The following NELL1 variants were observed in gnomAD, a reference collection of about 807,000 sequenced individuals.
NELL1 encodes the protein protein kinase C-binding protein NELL1.
NELL1 carries 76 observed loss-of-function variants against 107.4 expected under a neutral mutation model. The ratio of observed to expected loss-of-function variants is 0.71; its 90% CI spans 0.59 to 0.86. NELL1 has a LOEUF of 0.86. Among genes scored for constraint, NELL1 ranks in the 40% least tolerant of loss-of-function variants. The pLI is 0.00. For synonymous variants in NELL1, 353 were observed against 341.2 expected, an observed-to-expected ratio of 1.03 and a Z score of -0.38; for missense variants, 1,024 against 1,005.5, an observed-to-expected ratio of 1.02 and a Z score of -0.25.
chr11:21,262,173 A>G (rs950357500), intron 14 of NELL1, among the ~76,000 whole-genome samples: 1 of 151,842 alleles, frequency 6.6e-6, no homozygotes, highest in African/African-American at 2.4e-5. Flanking sequence ...CTCTAGTTGT[A>G]TAAATACCCT....
At chr11:20,729,725 A>G (rs143458988) in intron 2 of NELL1, among the ~76,000 whole-genome samples, 108 of 152,230 alleles carry the variant, frequency 7.1e-4, no homozygotes, top group Non-Finnish European at 1.4e-3. Flanking sequence ...CCTCCCTTAT[A>G]TCTAGTGCTG....
In NELL1 at chr11:21,418,356, T is replaced by G. The variant is rs567736472; in HGVS notation, c.1645+47408T>G. Reference sequence around the variant, plus strand: ...ATTTCAGGCCTTGATGGCTATATGATCTTGGTCAACTTATCTACTGATTTG... The same window carrying G: ...ATTTCAGGCCTTGATGGCTATATGAGCTTGGTCAACTTATCTACTGATTTG... On this transcript the variant is annotated intron_variant, in intron 15 of 19. Transcript: ENST00000357134. Among the ~76,000 whole-genome samples, 39 of 152,224 alleles carry G rather than the reference T, an allele frequency of 2.6e-4. No homozygotes were observed. The South Asian group carries it at 5.8e-3, about 23-fold the overall frequency.
chr11:21,547,132 G>A (rs770224320), intron 16 of NELL1, among the ~76,000 whole-genome samples: 5 of 151,524 alleles, frequency 3.3e-5, no homozygotes, highest in Non-Finnish European at 7.4e-5. Flanking sequence ...TAAGAAAAAA[G>A]CAACTAACTT....
chr11:20,760,225 T>G (rs1856389548), intron 2 of NELL1, among the ~76,000 whole-genome samples: 1 of 152,222 alleles, frequency 6.6e-6, no homozygotes, highest in South Asian at 2.1e-4. Flanking sequence ...TGACACTAGA[T>G]TGGAGAAATG....
At chr11:21,504,239 T>A (rs1328919047) in intron 15 of NELL1, 1 of 152,226 alleles carries the variant, frequency 6.6e-6, no homozygotes, top group Non-Finnish European at 1.5e-5. Flanking sequence ...TGCATTTAAC[T>A]TTTATTGTGA....
rs1857982137 is a variant in NELL1 at position 21,229,391 on chromosome 11, A to G, written c.1486A>G (p.Thr496Ala). 6.2e-7 allele frequency: 1 copy of G among 1,613,886 alleles called. No homozygotes were observed. The highest frequency in any genetic ancestry group is 8.5e-7 in the Non-Finnish European group (1 of 1,179,934). The change falls in exon 14 of 20, where the codon ACT (threonine) becomes GCT (alanine). Residue 496 changes from threonine to alanine, a missense_variant. By Grantham distance (58) the Thr-to-Ala change is moderately conservative. Transcript: ENST00000357134. ...TGATGAGAATGCCATCTGCACCAAC[A>G]CTGTCCAGGGACACAGCTGCACCTG... ...NCDENAICTN[T>A]VQGHSCTCKP... is the part of the protein sequence containing the mutation.
chr11:21,547,585 G>A (rs572509052), intron 16 of NELL1, among the ~76,000 whole-genome samples: 22 of 151,926 alleles, frequency 1.4e-4, no homozygotes, highest in Non-Finnish European at 2.9e-4. Context: ...ACATAATTAC[G>A]CAAATGTAGT....
intron 9 of NELL1, among the ~76,000 whole-genome samples, chr11:20,930,388 G>A (rs975051959): frequency 6.6e-6 from 1 of 152,004 alleles, no homozygotes; most frequent in African/African-American, 2.4e-5. Flanking sequence ...ATATTATTAT[G>A]TTTTAAAAAC....
intron 12 of NELL1, among the ~76,000 whole-genome samples, chr11:20,978,722 A>T (rs544708860): frequency 2.6e-5 from 4 of 152,252 alleles, no homozygotes; most frequent in African/African-American, 9.6e-5. Flanking sequence ...GTCTGTAATA[A>T]ACCTGTCCTT....
intron 13 of NELL1, among the ~76,000 whole-genome samples, chr11:21,212,470 A>G (rs1001545605): frequency 1.3e-4 from 20 of 152,182 alleles, no homozygotes; most frequent in African/African-American, 4.6e-4. Flanking sequence ...TCTTACAACT[A>G]AAAATCGCCT....
chr11:20,928,313 T>A, intron 8 of NELL1, 64 bp from the exon 9 acceptor site: 1 of 1,403,636 alleles, frequency 7.1e-7, no homozygotes, highest in Non-Finnish European at 1.0e-6. Flanking sequence ...ATTTCAATGA[T>A]CTCCACAACA....
chr11:20,714,194 A>ATTTTTTTTTTTTT (rs34441596), intron 2 of NELL1, among the ~76,000 whole-genome samples: 1 of 61,736 alleles, frequency 1.6e-5, no homozygotes, highest in Admixed American at 2.7e-4. Context: ...TATCTCCCCG[A>ATTTTTTTTTTTTT]TTTTTTTTTT....
At chr11:20,730,159 T>C (rs1307320652) in intron 2 of NELL1, among the ~76,000 whole-genome samples, 1 of 152,218 alleles carries the variant, frequency 6.6e-6, no homozygotes, top group Non-Finnish European at 1.5e-5. Flanking sequence ...CAAGTTTGAT[T>C]CCTGTCCTTT....
chr11:21,203,206 A>G (rs1857309737), intron 13 of NELL1, among the ~76,000 whole-genome samples: 1 of 152,132 alleles, frequency 6.6e-6, no homozygotes, highest in South Asian at 2.1e-4. Flanking sequence ...GATCTGTCTA[A>G]TATGGACAGT....
chr11:21,141,118 T>C (rs2133771709), intron 13 of NELL1, among the ~76,000 whole-genome samples: 1 of 152,352 alleles, frequency 6.6e-6, no homozygotes, highest in South Asian at 2.1e-4. Flanking sequence ...TTATTCCAGC[T>C]TGTACCCATA....
intron 14 of NELL1, among the ~76,000 whole-genome samples, chr11:21,275,165 A>G (rs1386224558): frequency 6.6e-6 from 1 of 152,206 alleles, no homozygotes; most frequent in Admixed American, 6.5e-5. Context: ...AGACTAATAA[A>G]GAAGAAAGGA....
intron 17 of NELL1, among the ~76,000 whole-genome samples, chr11:21,565,351 G>T (rs1354362493): frequency 6.6e-6 from 1 of 151,854 alleles, no homozygotes; most frequent in Non-Finnish European, 1.5e-5. Flanking sequence ...TTTTGACCTT[G>T]CAGGAGCTTG....
chr11:21,426,278 A>G (rs1284659652), intron 15 of NELL1, among the ~76,000 whole-genome samples: 1 of 152,206 alleles, frequency 6.6e-6, no homozygotes, highest in Non-Finnish European at 1.5e-5. Flanking sequence ...TGGTTGGCAC[A>G]TAATCTACTG....
chr11:21,218,014 ATTAG>A (rs1198249724), intron 13 of NELL1, among the ~76,000 whole-genome samples: 5 of 152,216 alleles, frequency 3.3e-5, no homozygotes, highest in African/African-American at 1.2e-4. Flanking sequence ...GTGCTTGAAT[ATTAG>A]TTAAAGTATT....
Sources: gnomAD v4.1 joint callset for allele counts (sites outside exome capture counted in the v4.1 genomes callset) on GRCh38, gnomAD v4.1.1 for gene constraint, MANE v1.5 for transcripts, NCBI Gene and HGNC (gene_info 2026-07-23, HGNC 2026-07-21) for gene names.